The following FAM53B variants were observed in gnomAD, a reference collection of about 807,000 sequenced individuals.
FAM53B encodes the protein family with sequence similarity 53 member B.
Under a neutral mutation model 32.7 loss-of-function variants are expected in FAM53B, and 12 were observed. The ratio of observed to expected loss-of-function variants is 0.37; its 90% CI spans 0.24 to 0.59. The LOEUF (loss-of-function observed/expected upper bound fraction) is 0.59. Ranked by LOEUF, FAM53B falls within the 20% of genes least tolerant of loss-of-function variation. The probability of loss-of-function intolerance (pLI) is 0.72; values close to 1 mark genes in which losing one functional copy is unlikely to be tolerated. For missense variants in FAM53B, 477 were observed against 577.7 expected (o/e 0.83, Z 1.79); for synonymous variants, 234 against 228.7 (o/e 1.02, Z -0.21).
chr10:124,681,603 T>C lies in FAM53B; in HGVS notation c.906+4A>G. ...AGGTGACTCCAGGCTGCTGGGGCTC[T>C]TACCTGTGCCATCTTGGCAAGGTCT... On this transcript the variant is annotated splice_donor_region_variant and intron_variant, in intron 4 of 4. Coordinates refer to ENST00000337318, the MANE Select transcript of FAM53B (RefSeq NM_014661.4). 4.4e-6 allele frequency: 7 copies of C among 1,583,856 alleles called. No individual in the cohort carries two copies. The highest frequency in any genetic ancestry group is 6.0e-6 in the Non-Finnish European group (7 of 1,161,210).
At chr10:124,629,253 CAT>C (rs1949375265) in intron 4 of FAM53B, among the ~76,000 whole-genome samples, 1 of 152,160 alleles carries the variant, frequency 6.6e-6, no homozygotes, top group Non-Finnish European at 1.5e-5. Flanking sequence ...GTAGTGCCCA[CAT>C]GAGGCTTCCT....
intron 1 of FAM53B, among the ~76,000 whole-genome samples, chr10:124,711,696 T>C (rs190538850): frequency 1.4e-3 from 219 of 152,254 alleles, no homozygotes; most frequent in African/African-American, 5.0e-3. Context: ...GGAACGTGTG[T>C]GTGGAATTTA....
intron 4 of FAM53B, among the ~76,000 whole-genome samples, chr10:124,627,705 C>A (rs1476388735): frequency 2.6e-5 from 4 of 152,180 alleles, no homozygotes; most frequent in African/African-American, 9.6e-5. Context: ...GGGATGGAGG[C>A]CCTGCCTTTT....
At chr10:124,700,543 G>A (rs1371332979) in intron 2 of FAM53B, among the ~76,000 whole-genome samples, 1 of 152,178 alleles carries the variant, frequency 6.6e-6, no homozygotes, top group African/African-American at 2.4e-5. Flanking sequence ...CGCCGGGGCA[G>A]GGCCTCGTCT....
At chr10:124,631,083 G>T (rs1244405565) in intron 4 of FAM53B, among the ~76,000 whole-genome samples, 4 of 152,350 alleles carry the variant, frequency 2.6e-5, no homozygotes, top group Non-Finnish European at 5.9e-5. Flanking sequence ...CGGGAAGGGT[G>T]GCACCAGCTT....
At chr10:124,695,032 G>A (rs1378845258) in intron 3 of FAM53B, among the ~76,000 whole-genome samples, 3 of 152,202 alleles carry the variant, frequency 2.0e-5, no homozygotes, top group African/African-American at 7.2e-5. Context: ...CAGCATGTAA[G>A]GAGCCTGGCA....
intron 1 of FAM53B, among the ~76,000 whole-genome samples, chr10:124,741,024 C>T (rs1037484468): frequency 1.3e-5 from 2 of 152,228 alleles, no homozygotes; most frequent in Admixed American, 1.3e-4. Context: ...GCCCTGAGCT[C>T]GGGATTCTCC....
chr10:124,637,822 C>T (rs1949443143), intron 4 of FAM53B, among the ~76,000 whole-genome samples: 1 of 152,252 alleles, frequency 6.6e-6, no homozygotes, highest in Admixed American at 6.5e-5. Context: ...TCCCGAAAGA[C>T]TCTTCCTGCC....
chr10:124,630,478 T>C (rs907417409), intron 4 of FAM53B, among the ~76,000 whole-genome samples: 5 of 152,152 alleles, frequency 3.3e-5, no homozygotes, highest in Admixed American at 1.3e-4. Flanking sequence ...CTTACCACCT[T>C]TGGACCCCAA....
rs537394056 is a variant in FAM53B at position 124,653,033 on chromosome 10, C to T, written c.906+28574G>A. On this transcript the variant is annotated intron_variant, in intron 4 of 4. Transcript: ENST00000337318. The stretch of plus-strand genomic sequence containing the variant: ...GCCAGGCCCTAAGAGGTAGGACCCA[C>T]GTGCCCTTGAGGCCAGGACAGCATT... Among the ~76,000 whole-genome samples the T allele has an allele frequency of 4.6e-5, 7 of 152,260 alleles. No homozygotes were observed. The South Asian group carries it at 8.3e-4, about 18-fold the overall frequency.
chr10:124,654,363 CCA>C (rs949024812), intron 4 of FAM53B, among the ~76,000 whole-genome samples: 13 of 152,230 alleles, frequency 8.5e-5, no homozygotes, highest in Admixed American at 8.5e-4. Context: ...AGAAACTGGA[CCA>C]CACTGGAACA....
chr10:124,636,689 C>G (rs1949434351), intron 4 of FAM53B, among the ~76,000 whole-genome samples: 1 of 151,996 alleles, frequency 6.6e-6, no homozygotes, highest in African/African-American at 2.4e-5. Context: ...GGCCGGGCCC[C>G]ATCCTGCGGA....
intron 1 of FAM53B, among the ~76,000 whole-genome samples, chr10:124,729,999 C>T (rs994624715): frequency 5.9e-5 from 9 of 152,188 alleles, no homozygotes; most frequent in Non-Finnish European, 8.8e-5. Context: ...ACTCAACACA[C>T]GGCATCAGTG....
At chr10:124,643,785 G>A (rs533798371) in intron 4 of FAM53B, among the ~76,000 whole-genome samples, 17 of 152,370 alleles carry the variant, frequency 1.1e-4, no homozygotes, top group African/African-American at 2.9e-4. Flanking sequence ...AGGCTCAGAA[G>A]ATGAGGCACA....
intron 4 of FAM53B, among the ~76,000 whole-genome samples, chr10:124,646,889 T>C (rs1330701519): frequency 6.6e-6 from 1 of 152,114 alleles, no homozygotes; most frequent in African/African-American, 2.4e-5. Flanking sequence ...TGTGGGTGTA[T>C]GGGTGTCGAC....
At chr10:124,711,690 C>T (rs773855489) in intron 1 of FAM53B, among the ~76,000 whole-genome samples, 2 of 152,104 alleles carry the variant, frequency 1.3e-5, no homozygotes, top group African/African-American at 2.4e-5. Context: ...AGGGGAGGAA[C>T]GTGTGTGTGG....
chr10:124,704,294 C>T (rs1229526260), intron 2 of FAM53B: 1 of 152,308 alleles, frequency 6.6e-6, no homozygotes, highest in Non-Finnish European at 1.5e-5. Flanking sequence ...ATCCACTGAG[C>T]ACCTGCCACG....
intron 2 of FAM53B, among the ~76,000 whole-genome samples, chr10:124,699,063 G>A (rs1319529480): frequency 1.3e-5 from 2 of 152,214 alleles, no homozygotes; most frequent in Non-Finnish European, 2.9e-5. Flanking sequence ...CCTCCTCAGT[G>A]GCCTTGCCGG....
intron 1 of FAM53B, among the ~76,000 whole-genome samples, chr10:124,731,857 T>C (rs1289601211): frequency 1.3e-5 from 2 of 152,190 alleles, no homozygotes; most frequent in Admixed American, 1.3e-4. Flanking sequence ...CCTGCAGTTC[T>C]TCCCAGAGGT....
Sources: allele counts gnomAD v4.1 joint callset (sites outside exome capture counted in the v4.1 genomes callset), GRCh38; gene constraint gnomAD v4.1.1; transcripts MANE v1.5; gene names NCBI Gene and HGNC (gene_info 2026-07-23, HGNC 2026-07-21).